The following TTPAL variants were observed in gnomAD, a reference collection of about 807,000 sequenced individuals.
The protein encoded by TTPAL is alpha tocopherol transfer protein like.
TTPAL carries 21 observed loss-of-function variants against 28.7 expected under a neutral mutation model. That is an observed-to-expected ratio of 0.73 (90% CI 0.52 to 1.06). The LOEUF is 1.06. Among genes scored for constraint, TTPAL ranks in the 50% least tolerant of loss-of-function variants. The pLI is 0.00. For missense variants in TTPAL, 345 were observed against 425.5 expected (o/e 0.81, Z 1.67); for synonymous variants, 169 against 171.9 (o/e 0.98, Z 0.13).
At chr20:44,486,541 GA>G (rs2064153323) in intron 3 of TTPAL, 54 bp from the exon 4 acceptor site, 1 of 1,034,238 alleles carries the variant, frequency 9.7e-7, no homozygotes, top group East Asian at 2.4e-5. Context: ...CTTGGGGGAG[GA>G]AGGTGTGGAA....
chr20:44,484,274 CTTTG>C (rs756964343), intron 2 of TTPAL, 59 bp from the exon 3 acceptor site: 89 of 1,149,302 alleles, frequency 7.7e-5, no homozygotes, highest in Middle Eastern at 2.5e-4. Context: ...GGAGATAAAT[CTTTG>C]TTTGACCACT....
intron 1 of TTPAL, 110 bp from the exon 2 acceptor site, chr20:44,479,875 G>A (rs1600783687): frequency 3.4e-6 from 3 of 887,578 alleles, no homozygotes; most frequent in East Asian, 5.1e-5. Context: ...GAGAAACACT[G>A]CCCTGAGGTT....
At chr20:44,482,315 A>C (rs957491454) in intron 2 of TTPAL, among the ~76,000 whole-genome samples, 1 of 152,170 alleles carries the variant, frequency 6.6e-6, no homozygotes, top group Non-Finnish European at 1.5e-5. Context: ...TGAGAGGCTA[A>C]GGCAGGTGGA....
chr20:44,492,187 C>T lies in TTPAL; in HGVS notation c.*2646C>T, dbSNP rs1006678652. ...AATCAAGGTGGTCTCCTTGTGGCTT[C>T]ACCAGGATGTTTGTGTCAGGCTGTC... On this transcript the variant is annotated 3_prime_UTR_variant, in exon 5 of 5. Coordinates refer to ENST00000262605, the MANE Select transcript of TTPAL (RefSeq NM_001039199.3). 2 of 152,344 alleles carry T rather than the reference C, an allele frequency of 1.3e-5. No individual in the cohort carries two copies. The highest frequency in any genetic ancestry group is 4.8e-5 in the African/African-American group (2 of 41,440). 9.4% of individuals were successfully genotyped at this position (152,344 alleles called of 1,614,324 possible).
intron 2 of TTPAL, among the ~76,000 whole-genome samples, chr20:44,483,142 GCCA>G (rs1300414001): frequency 6.6e-6 from 1 of 152,196 alleles, no homozygotes; most frequent in East Asian, 1.9e-4. Context: ...CCAGGCGTGA[GCCA>G]CCACATCTGG....
At chr20:44,478,879 T>C (rs2122763561) in intron 1 of TTPAL, among the ~76,000 whole-genome samples, 1 of 152,302 alleles carries the variant, frequency 6.6e-6, no homozygotes, top group East Asian at 1.9e-4. Context: ...AAGCTCTGCC[T>C]CCCGGGTTCA....
rs2064216494 is a variant in TTPAL, at chr20:44,492,528, G to A, written c.*2987G>A. 1 of 151,876 alleles carries A rather than the reference G, an allele frequency of 6.6e-6. No homozygotes were observed. The highest frequency in any genetic ancestry group is 6.6e-5 in the Admixed American group (1 of 15,198). 9.4% of individuals were successfully genotyped at this position (151,876 alleles called of 1,614,324 possible). A position where few individuals can be genotyped will look rare whatever the true frequency, so the allele number is the denominator to read the frequency against. On this transcript the variant is annotated 3_prime_UTR_variant, in exon 5 of 5. Transcript: ENST00000262605. ...ATCTATACTCCAAACTTTATTCCTGGTATCTAGTTGGCTTCACTGCCACAG... is the reference window on the plus strand; with the variant it reads ...ATCTATACTCCAAACTTTATTCCTGATATCTAGTTGGCTTCACTGCCACAG...
Position 44,484,597 on chromosome 20 carries a change from C to T in TTPAL, c.639+67C>T, listed in dbSNP as rs1395808220. On this transcript the variant is annotated intron_variant, in intron 3 of 4. Transcript: ENST00000262605. ...GCTTTCCCCAGGGCCTGTCCATTTA[C>T]TGTGGGTCTCACATGATACACAAAC... is the stretch of plus-strand genomic sequence containing the variant. 7.1e-6 allele frequency: 9 copies of T among 1,259,934 alleles called. No homozygotes were observed. In the East Asian group the frequency reaches 1.6e-4, roughly 23 times the overall value. 78.0% of individuals were successfully genotyped at this position (1,259,934 alleles called of 1,614,324 possible).
chr20:44,491,556 CATT>C lies in TTPAL; in HGVS notation c.*2017_*2019del. ...TGGTGGAAATTAAGTTACTTAACCT[CATT>C]AATACCAATTCTAGAGAAAGTTCTT... On this transcript the variant is annotated 3_prime_UTR_variant, in exon 5 of 5. Transcript: ENST00000262605. 1 of 152,406 alleles carries C rather than the reference CATT, an allele frequency of 6.6e-6. No homozygotes were observed. Among genetic ancestry groups the C allele is most frequent in the Non-Finnish European group, 1.5e-5 (1 of 68,018 alleles). The allele number at this position is 152,406 out of a possible 1,614,324, so 9.4% of individuals were successfully genotyped here.
chr20:44,479,962 G>A lies in TTPAL; in HGVS notation c.-15-23G>A, dbSNP rs2064086134. ...TTTGAAATAAGCACTTGTTAACTTT[G>A]CTTAGGGCTTCTCTGTTGGCAGGGA... On this transcript the variant is annotated intron_variant, in intron 1 of 4. Coordinates refer to ENST00000262605, the MANE Select transcript of TTPAL (RefSeq NM_001039199.3). The A allele has an allele frequency of 1.9e-6, 3 of 1,589,378 alleles. No homozygotes were observed. The South Asian group carries it at 3.4e-5, about 18-fold the overall frequency.
rs112710253 is a variant in TTPAL at position 44,489,758 on chromosome 20, T to TA, written c.*220dup. ...CATGGAAAATGTCCCCACTGATTCT[T>TA]AAACATTTGGAATCCCAGTCTGCAA... On this transcript the variant is annotated 3_prime_UTR_variant, in exon 5 of 5. Transcript: ENST00000262605. 8 of 550,672 alleles carry TA rather than the reference T, an allele frequency of 1.5e-5. No individual in the cohort carries two copies. Among genetic ancestry groups the TA allele is most frequent in the African/African-American group, 5.6e-5 (3 of 53,250 alleles). The allele number at this position is 550,672 out of a possible 1,614,324, so 34.1% of individuals were successfully genotyped here. A position where few individuals can be genotyped will look rare whatever the true frequency, so the allele number is the denominator to read the frequency against.
At chr20:44,482,572 C>CAA (rs535832796) in intron 2 of TTPAL, among the ~76,000 whole-genome samples, 117 of 60,714 alleles carry the variant, frequency 1.9e-3, no homozygotes, top group African/African-American at 6.0e-3. Flanking sequence ...GACTCTGTCT[C>CAA]AAAAAAAAAA....
intron 3 of TTPAL, among the ~76,000 whole-genome samples, chr20:44,485,152 C>A (rs1442273199): frequency 6.6e-6 from 1 of 152,038 alleles, no homozygotes; most frequent in Non-Finnish European, 1.5e-5. Flanking sequence ...AATTATGCTT[C>A]TGCGTAAGGT....
At position 44,489,790 on chromosome 20, in the gene TTPAL, A is replaced by G; in HGVS notation, c.*249A>G. ...TTGGAATCCCAGTCTGCAACTATTA[A>G]TCTGGAGGCTATATCTATTTTGTTT... On this transcript the variant is annotated 3_prime_UTR_variant, in exon 5 of 5. Transcript: ENST00000262605. The G allele has an allele frequency of 2.1e-6, 1 of 483,414 alleles. No homozygotes were observed. The highest frequency in any genetic ancestry group is 3.7e-6 in the Non-Finnish European group (1 of 273,302). The allele number at this position is 483,414 out of a possible 1,614,324, so 29.9% of individuals were successfully genotyped here. A position where few individuals can be genotyped will look rare whatever the true frequency, so the allele number is the denominator to read the frequency against.
intron 4 of TTPAL, 32 bp downstream of exon 4, chr20:44,486,738 TC>T: frequency 1.5e-6 from 2 of 1,313,388 alleles, no homozygotes; most frequent in Non-Finnish European, 1.1e-6. Flanking sequence ...TTCAGATTTT[TC>T]TTTTCCTCTG....
rs935391778 is a variant in TTPAL at position 44,480,352 on chromosome 20, C to T, written c.353C>T (p.Pro118Leu). 1.9e-6 allele frequency: 3 copies of T among 1,614,160 alleles called. No homozygotes were observed. Among genetic ancestry groups the T allele is most frequent in the Non-Finnish European group, 2.5e-6 (3 of 1,180,038 alleles). ...SWPEVFNNLK[P>L]SALKDVLASG... ...CCCGAAGTCTTCAATAACTTGAAGC[C>T]ATCAGCCTTAAAAGATGTCCTTGCT... is the stretch of plus-strand genomic sequence containing the variant. Residue 118 changes from proline (P) to leucine (L), a missense_variant, in exon 2 of 5, where the codon CCA becomes CTA. Physicochemically the swap from Pro to Leu is moderately conservative, Grantham distance 98. Coordinates refer to ENST00000262605, the MANE Select transcript of TTPAL (RefSeq NM_001039199.3). The surrounding 1 kb of genome is among the most constrained non-coding windows in gnomAD (Gnocchi z 4.1).
rs1480204337 is a variant in TTPAL at position 44,490,551 on chromosome 20, A to C, written c.*1010A>C. On this transcript the variant is annotated 3_prime_UTR_variant, in exon 5 of 5. Transcript: ENST00000262605. ...TTGTTTGTGGTACATGTGTCTTTCC[A>C]AGAGAGATGTGTCACCAATTAGCCC... The C allele has an allele frequency of 1.3e-5, 2 of 152,336 alleles. No homozygotes were observed. The highest frequency in any genetic ancestry group is 4.8e-5 in the African/African-American group (2 of 41,470). 9.4% of individuals were successfully genotyped at this position (152,336 alleles called of 1,614,324 possible). A position where few individuals can be genotyped will look rare whatever the true frequency, so the allele number is the denominator to read the frequency against.
intron 2 of TTPAL, among the ~76,000 whole-genome samples, chr20:44,483,863 G>A (rs1218905223): frequency 6.6e-6 from 1 of 152,110 alleles, no homozygotes; most frequent in Non-Finnish European, 1.5e-5. Context: ...ACAGTGGCAT[G>A]ATCACTGCAG....
Position 44,479,984 on chromosome 20 carries a change from G to A in TTPAL, c.-15-1G>A. 6.2e-7 allele frequency: 1 copy of A among 1,608,264 alleles called. No individual in the cohort carries two copies. The highest frequency in any genetic ancestry group is 8.5e-7 in the Non-Finnish European group (1 of 1,176,342). ...TTTGCTTAGGGCTTCTCTGTTGGCA[G>A]GGACCTTGGTAGCTAATGTCCGAAG... On this transcript the variant is annotated splice_acceptor_variant, in intron 1 of 4. Transcript: ENST00000262605. LOFTEE classifies it low-confidence loss of function (5UTR_SPLICE).
Sources: allele counts gnomAD v4.1 joint callset (sites outside exome capture counted in the v4.1 genomes callset), GRCh38; gene constraint gnomAD v4.1.1; non-coding constraint Gnocchi (gnomAD v3.1); transcripts MANE v1.5; gene names NCBI Gene and HGNC (gene_info 2026-07-23, HGNC 2026-07-21).